NRG3: variants seen among roughly 807,000 people sequenced by gnomAD.
NRG3 encodes the protein pro-neuregulin-3, membrane-bound isoform.
Under a neutral mutation model 66.9 loss-of-function variants are expected in NRG3, and 31 were observed. That is an observed-to-expected ratio of 0.46 (90% confidence interval 0.35 to 0.63). The LOEUF (loss-of-function observed/expected upper bound fraction) is 0.63. Among genes scored for constraint, NRG3 ranks in the 20% least tolerant of loss-of-function variants. The probability of loss-of-function intolerance (pLI) is 0.00; values close to 1 mark genes in which losing one functional copy is unlikely to be tolerated. For synonymous variants in NRG3, 393 were observed against 359.4 expected (o/e 1.09, Z -1.06); for missense variants, 910 against 878.9 (o/e 1.04, Z -0.45).
At chr10:82,676,204 C>G (rs956830515) in intron 2 of NRG3, among the ~76,000 whole-genome samples, 2 of 152,140 alleles carry the variant, frequency 1.3e-5, no homozygotes, top group African/African-American at 4.8e-5. Context: ...CTTCTGTTCA[C>G]ATGCTTTAAA....
At chr10:82,593,735 GTTTT>G (rs1322491987) in intron 2 of NRG3, among the ~76,000 whole-genome samples, 1 of 151,566 alleles carries the variant, frequency 6.6e-6, no homozygotes, top group Non-Finnish European at 1.5e-5. Flanking sequence ...CTTCATTTTT[GTTTT>G]TTATTAGCCA....
chr10:82,773,980 T>C (rs972513162), intron 3 of NRG3, among the ~76,000 whole-genome samples: 4 of 152,216 alleles, frequency 2.6e-5, no homozygotes. Context: ...TATTTTTCAT[T>C]CTGTTAATGT....
chr10:82,588,722 T>G (rs558865443), intron 2 of NRG3, among the ~76,000 whole-genome samples: 2 of 152,042 alleles, frequency 1.3e-5, no homozygotes, highest in South Asian at 4.1e-4. Flanking sequence ...AGGATGGTCT[T>G]GATCTCCCGA....
intron 1 of NRG3, among the ~76,000 whole-genome samples, chr10:81,914,648 C>A (rs1845491280): frequency 6.6e-6 from 1 of 151,404 alleles, no homozygotes; most frequent in Admixed American, 6.6e-5. Flanking sequence ...TCTAGCTACT[C>A]AGGAGGCTGA....
chr10:82,701,573 G>T (rs1297289550), intron 2 of NRG3, among the ~76,000 whole-genome samples: 3 of 152,118 alleles, frequency 2.0e-5, no homozygotes, highest in African/African-American at 7.2e-5. Flanking sequence ...AACGTACTTA[G>T]AACAGTTCAA....
At chr10:82,171,373 T>G (rs1377777511) in intron 1 of NRG3, among the ~76,000 whole-genome samples, 1 of 100,850 alleles carries the variant, frequency 9.9e-6, no homozygotes, top group East Asian at 2.2e-4. Context: ...TTCCAGGATT[T>G]AAAGCACTGC....
intron 1 of NRG3, among the ~76,000 whole-genome samples, chr10:82,217,190 G>T (rs2075731113): frequency 6.6e-6 from 1 of 152,168 alleles, no homozygotes; most frequent in African/African-American, 2.4e-5. Flanking sequence ...ATGTGACAAG[G>T]TTTTGTTGAG....
chr10:82,697,194 G>T (rs1337429484), intron 2 of NRG3, among the ~76,000 whole-genome samples: 5 of 152,250 alleles, frequency 3.3e-5, no homozygotes, highest in African/African-American at 1.2e-4. Context: ...TTTTGTTGTT[G>T]AATTCAATTG....
rs569109832 is a variant in NRG3 at position 82,498,367 on chromosome 10, G to A, written c.953+139499G>A. On this transcript the variant is annotated intron_variant, in intron 2 of 8. Transcript: ENST00000372141. ...TGGAAGAAAGCCACTTCCACAGCAC[G>A]TTTTATATGAACTCGCAGGAAGCAG... 3.3e-5 allele frequency among the ~76,000 whole-genome samples: 5 copies of A among 152,154 alleles called. No homozygotes were observed. The South Asian group carries it at 6.2e-4, about 19-fold the overall frequency.
At chr10:81,978,362 T>A (rs117737552) in intron 1 of NRG3, among the ~76,000 whole-genome samples, 1 of 152,182 alleles carries the variant, frequency 6.6e-6, no homozygotes, top group Non-Finnish European at 1.5e-5. Flanking sequence ...TTCTTAAAAT[T>A]TATGCTATTG....
At chr10:82,750,044 A>G (rs1004676343) in intron 3 of NRG3, among the ~76,000 whole-genome samples, 1 of 152,216 alleles carries the variant, frequency 6.6e-6, no homozygotes, top group Non-Finnish European at 1.5e-5. Context: ...GAGGAAAACC[A>G]TAATCATTTT....
chr10:82,667,825 T>C (rs1482817911), intron 2 of NRG3, among the ~76,000 whole-genome samples: 2 of 152,194 alleles, frequency 1.3e-5, no homozygotes, highest in African/African-American at 4.8e-5. Flanking sequence ...TCAAGAGCCC[T>C]TCTAGCAGTA....
intron 1 of NRG3, among the ~76,000 whole-genome samples, chr10:82,271,932 A>G (rs1394865003): frequency 1.3e-5 from 2 of 152,036 alleles, no homozygotes; most frequent in African/African-American, 4.8e-5. Context: ...ATATTTTTGG[A>G]TGTTTCATGG....
At chr10:82,141,994 A>G (rs1031613731) in intron 1 of NRG3, among the ~76,000 whole-genome samples, 1 of 152,148 alleles carries the variant, frequency 6.6e-6, no homozygotes, top group Non-Finnish European at 1.5e-5. Flanking sequence ...ATGCTTTATA[A>G]AAAGCTTCAA....
intron 2 of NRG3, among the ~76,000 whole-genome samples, chr10:82,696,035 A>G (rs1216275617): frequency 1.3e-5 from 2 of 152,178 alleles, no homozygotes. Flanking sequence ...TGTGGATGCA[A>G]CATTTCTTCA....
intron 1 of NRG3, among the ~76,000 whole-genome samples, chr10:82,333,025 T>G (rs543334487): frequency 2.0e-5 from 3 of 152,352 alleles, no homozygotes; most frequent in African/African-American, 7.2e-5. Context: ...AATTTTTCAT[T>G]TCTCAAAACC....
chr10:82,397,947 T>G (rs2086819883), intron 2 of NRG3, among the ~76,000 whole-genome samples: 1 of 152,136 alleles, frequency 6.6e-6, no homozygotes. Context: ...CTGCTGTTTT[T>G]CTCACCCACA....
intron 3 of NRG3, among the ~76,000 whole-genome samples, chr10:82,856,145 C>T (rs1036906301): frequency 1.3e-5 from 2 of 152,086 alleles, no homozygotes; most frequent in African/African-American, 4.8e-5. Flanking sequence ...CAGAGAACAG[C>T]CTGGGTATGC....
chr10:81,956,106 G>A (rs1161823335), intron 1 of NRG3, among the ~76,000 whole-genome samples: 1 of 152,144 alleles, frequency 6.6e-6, no homozygotes, highest in Non-Finnish European at 1.5e-5. Context: ...GAGAGTTGGG[G>A]TCTGTAATCT....
Sources: gnomAD v4.1 joint callset for allele counts (sites outside exome capture counted in the v4.1 genomes callset) on GRCh38, gnomAD v4.1.1 for gene constraint, MANE v1.5 for transcripts, NCBI Gene and HGNC (gene_info 2026-07-23, HGNC 2026-07-21) for gene names.